Variants in DOK6 observed in about 807,000 individuals in gnomAD.
DOK6 encodes the protein downstream of tyrosine kinase 6.
In DOK6, 22 loss-of-function variants were observed where a neutral mutation model predicts 44.0. The observed-to-expected ratio is 0.50, with a 90% CI of 0.36 to 0.71. The LOEUF is 0.71. Among genes scored for constraint, DOK6 ranks in the 30% least tolerant of loss-of-function variants. DOK6 has a pLI of 0.00. For missense variants in DOK6, 340 were observed against 416.4 expected (o/e 0.82, Z 1.60); for synonymous variants, 166 against 145.5 (o/e 1.14, Z -1.01).
At chr18:69,468,916 CTG>C (rs1323239601) in intron 1 of DOK6, among the ~76,000 whole-genome samples, 16 of 152,212 alleles carry the variant, frequency 1.1e-4, no homozygotes, top group Admixed American at 9.2e-4. Context: ...AAGGAGGAAA[CTG>C]TGACACACTT....
chr18:69,580,988 C>A (rs1291516617), intron 2 of DOK6, among the ~76,000 whole-genome samples: 1 of 152,220 alleles, frequency 6.6e-6, no homozygotes, highest in African/African-American at 2.4e-5. Flanking sequence ...CATGTTGCCA[C>A]ACATGACAGA....
At chr18:69,505,394 T>C (rs1981154045) in intron 1 of DOK6, among the ~76,000 whole-genome samples, 1 of 152,126 alleles carries the variant, frequency 6.6e-6, no homozygotes, top group South Asian at 2.1e-4. Flanking sequence ...CCTTAAAGTT[T>C]CTAATGCTGT....
chr18:69,543,469 A>G (rs1982321711), intron 1 of DOK6, among the ~76,000 whole-genome samples: 1 of 151,518 alleles, frequency 6.6e-6, no homozygotes, highest in East Asian at 1.9e-4. Context: ...CTCTCATTTC[A>G]ACTACATCTC....
In DOK6 at chr18:69,454,713, G is replaced by A. The variant is rs1197318273; in HGVS notation, c.66+53403G>A. Among the ~76,000 whole-genome samples, 7 of 131,010 alleles carry A rather than the reference G, an allele frequency of 5.3e-5. No homozygotes were observed. In the Admixed American group the frequency reaches 5.5e-4, roughly 10 times the overall value. 85.9% of individuals were successfully genotyped at this position (131,010 alleles called of 152,430 possible). On this transcript the variant is annotated intron_variant, in intron 1 of 7. Coordinates refer to ENST00000382713, the MANE Select transcript of DOK6 (RefSeq NM_152721.6). ...AGAAAATGTGGCACATATACACCAT[G>A]GAATACTATGCAGCCATAAAAAATG...
intron 3 of DOK6, among the ~76,000 whole-genome samples, chr18:69,607,740 G>A (rs1984036744): frequency 6.6e-6 from 1 of 152,138 alleles, no homozygotes; most frequent in African/African-American, 2.4e-5. Flanking sequence ...AATCTAGGGA[G>A]AGACCTTCTT....
intron 7 of DOK6, among the ~76,000 whole-genome samples, chr18:69,812,982 C>T (rs1161575507): frequency 6.6e-6 from 1 of 152,044 alleles, no homozygotes; most frequent in Non-Finnish European, 1.5e-5. Context: ...GACACAAAGC[C>T]TAACCATATG....
chr18:69,568,166 C>T (rs1180589787), intron 2 of DOK6, among the ~76,000 whole-genome samples: 1 of 152,244 alleles, frequency 6.6e-6, no homozygotes, highest in Non-Finnish European at 1.5e-5. Flanking sequence ...AGAGACCACT[C>T]TGGCTCTCTT....
intron 1 of DOK6, among the ~76,000 whole-genome samples, chr18:69,430,399 T>A (rs1265561823): frequency 6.6e-6 from 1 of 152,204 alleles, no homozygotes; most frequent in Non-Finnish European, 1.5e-5. Context: ...AGCAAGGGAC[T>A]ATTCTCTTCA....
chr18:69,548,155 G>A (rs1235884794), intron 1 of DOK6, among the ~76,000 whole-genome samples: 4 of 150,370 alleles, frequency 2.7e-5, no homozygotes, highest in Non-Finnish European at 5.9e-5. Flanking sequence ...GGGTTTCACG[G>A]TGTTAGCCAG....
intron 1 of DOK6, among the ~76,000 whole-genome samples, chr18:69,494,494 A>C (rs550721794): frequency 5.3e-5 from 8 of 152,072 alleles, no homozygotes; most frequent in South Asian, 2.1e-4. Context: ...AACAAACAAA[A>C]AAAAAGTTTT....
intron 1 of DOK6, among the ~76,000 whole-genome samples, chr18:69,539,130 C>T (rs547105693): frequency 2.6e-5 from 4 of 152,262 alleles, no homozygotes; most frequent in Non-Finnish European, 4.4e-5. Context: ...TACACTACAG[C>T]ACCAGAGTTA....
At chr18:69,813,471 T>C (rs1432867080) in intron 7 of DOK6, among the ~76,000 whole-genome samples, 1 of 152,120 alleles carries the variant, frequency 6.6e-6, no homozygotes, top group Non-Finnish European at 1.5e-5. Context: ...TAGTGAAGTA[T>C]GATTGGGGAG....
intron 1 of DOK6, among the ~76,000 whole-genome samples, chr18:69,496,386 A>C (rs1039240088): frequency 6.6e-6 from 1 of 152,216 alleles, no homozygotes; most frequent in Non-Finnish European, 1.5e-5. Flanking sequence ...TGTCCCGGCT[A>C]CCACCAGGTC....
At chr18:69,459,110 A>C (rs12458970) in intron 1 of DOK6, among the ~76,000 whole-genome samples, 108 of 76,540 alleles carry the variant, frequency 1.4e-3, no homozygotes, top group Middle Eastern at 0.011. Context: ...CCCCCCCCCC[A>C]AAAAAAAGGA....
chr18:69,667,816 C>A (rs1215684764), intron 3 of DOK6, among the ~76,000 whole-genome samples: 2 of 152,126 alleles, frequency 1.3e-5, no homozygotes, highest in East Asian at 3.9e-4. Context: ...ACTCAGACTT[C>A]TTGGTGATCT....
At chr18:69,766,202 C>A (rs955842369) in intron 7 of DOK6, among the ~76,000 whole-genome samples, 13 of 152,140 alleles carry the variant, frequency 8.5e-5, no homozygotes, top group African/African-American at 3.1e-4. Flanking sequence ...TAAGTGGGAG[C>A]TAAACATTGG....
intron 4 of DOK6, among the ~76,000 whole-genome samples, chr18:69,688,477 G>A (rs990282989): frequency 1.3e-5 from 2 of 152,138 alleles, no homozygotes; most frequent in Non-Finnish European, 2.9e-5. Context: ...GAGATCCAGG[G>A]AACAGAACAG....
chr18:69,569,577 A>G (rs1015132637), intron 2 of DOK6, among the ~76,000 whole-genome samples: 1 of 152,266 alleles, frequency 6.6e-6, no homozygotes, highest in African/African-American at 2.4e-5. Context: ...GTTCAACCTG[A>G]TATGATTCAG....
chr18:69,510,000 A>C (rs974585236), intron 1 of DOK6, among the ~76,000 whole-genome samples: 1 of 152,222 alleles, frequency 6.6e-6, no homozygotes, highest in Admixed American at 6.5e-5. Context: ...TGTTTTATTA[A>C]ATCAATGTTG....
Sources: gnomAD v4.1 joint callset for allele counts (sites outside exome capture counted in the v4.1 genomes callset) on GRCh38, gnomAD v4.1.1 for gene constraint, MANE v1.5 for transcripts, NCBI Gene and HGNC (gene_info 2026-07-23, HGNC 2026-07-21) for gene names.